Variants in NAB1 observed in about 807,000 individuals in gnomAD.
The protein encoded by NAB1 is NGFI-A-binding protein 1.
A neutral mutation model predicts 49.9 loss-of-function variants in NAB1; 25 were observed. The ratio of observed to expected loss-of-function variants is 0.50; its 90% CI spans 0.37 to 0.70. The LOEUF is 0.70. NAB1 is among the 30% of genes least tolerant of loss of function. NAB1 has a pLI of 0.00. For missense variants in NAB1, 489 were observed against 575.9 expected, an observed-to-expected ratio of 0.85 and a Z score of 1.54; for synonymous variants, 198 against 215.6, an observed-to-expected ratio of 0.92 and a Z score of 0.71.
Position 190,659,790 on chromosome 2 carries a change from G to A in NAB1, c.614G>A (p.Arg205Gln), listed in dbSNP as rs147170022. The stretch of plus-strand genomic sequence containing the variant: ...CTCTCTGTGGCTGAGTGTGTGGAGC[G>A]GATGGCCCCCACACTGCCAAAAAGT... ...AALSVAECVERMAPTLPKSDL... is the reference protein window; with the variant it reads ...AALSVAECVEQMAPTLPKSDL... The change falls in exon 4 of 10, where the codon CGG (arginine) becomes CAG (glutamine). Residue 205 changes from arginine (R) to glutamine (Q), a missense_variant. Around this residue, in one of 4 missense-constraint regions of NAB1, gnomAD observed 204 missense variants for 220.9 expected, o/e 0.92. Transcript: ENST00000337386. This position sits in a 1 kb window ranked among gnomAD's most constrained non-coding sequence, Gnocchi z 6.2. 2.6e-5 allele frequency: 42 copies of A among 1,613,992 alleles called. No homozygotes were observed. The highest frequency in any genetic ancestry group is 3.4e-5 in the Non-Finnish European group (40 of 1,179,990).
At chr2:190,658,446 G>A (rs988979271) in intron 3 of NAB1, among the ~76,000 whole-genome samples, 1 of 152,156 alleles carries the variant, frequency 6.6e-6, no homozygotes, top group African/African-American at 2.4e-5. Context: ...ACCACAGAGT[G>A]TCAATAAATG....
chr2:190,688,082 GA>G (rs1456788046), intron 9 of NAB1, among the ~76,000 whole-genome samples: 2 of 152,174 alleles, frequency 1.3e-5, no homozygotes, highest in Admixed American at 6.5e-5. Flanking sequence ...AAGCATTAGA[GA>G]CCAGCACAAT....
rs2125563272 is a variant in NAB1, at chr2:190,654,001, T to TG, written c.-196-1974dup. Among the ~76,000 whole-genome samples the TG allele has an allele frequency of 6.6e-6, 1 of 152,334 alleles. No individual in the cohort carries two copies. Among genetic ancestry groups the TG allele is most frequent in the African/African-American group, 2.4e-5 (1 of 41,578 alleles). On this transcript the variant is annotated intron_variant, in intron 2 of 9. Transcript: ENST00000337386. This position sits in a 1 kb window ranked among gnomAD's most constrained non-coding sequence, Gnocchi z 5.6. ...TTGGATTGGCAATTCATTGAGATAC[T>TG]GGTTTACACAGAAGGCCTCCCCTTT...
At chr2:190,671,727 C>T (rs1251405395) in intron 5 of NAB1, among the ~76,000 whole-genome samples, 1 of 150,930 alleles carries the variant, frequency 6.6e-6, no homozygotes, top group African/African-American at 2.4e-5. Flanking sequence ...ACTGCCTTCA[C>T]CGATTTTTAG....
rs1406769337 is a variant in NAB1, at chr2:190,656,127, C to G, written c.-46C>G. ...ATTGAAAAGTCAGACTCCGAGTGGT[C>G]GTTCCAGGATATCTTGAAAAGCCCA... On this transcript the variant is annotated 5_prime_UTR_variant, in exon 3 of 10. Transcript: ENST00000337386. 1 of 152,194 alleles carries G rather than the reference C, an allele frequency of 6.6e-6. No individual in the cohort carries two copies. The highest frequency in any genetic ancestry group is 1.5e-5 in the Non-Finnish European group (1 of 68,048). The allele number at this position is 152,194 out of a possible 1,614,324, so 9.4% of individuals were successfully genotyped here. A position where few individuals can be genotyped will look rare whatever the true frequency, so the allele number is the denominator to read the frequency against.
rs76323637 is a variant in NAB1, at chr2:190,674,615, C to T, written c.1005+1463C>T. Among the ~76,000 whole-genome samples, 638 of 152,222 alleles carry T rather than the reference C, an allele frequency of 4.2e-3. 11 individuals are homozygous for T. In the East Asian group the frequency reaches 0.046, roughly 11 times the overall value. ...ACTTAGAGTTTGTAACAGCCTTGCA[C>T]CTAATAGGCACTTAATAAAATCTAT... On this transcript the variant is annotated intron_variant, in intron 6 of 9. Coordinates refer to ENST00000337386, the MANE Select transcript of NAB1 (RefSeq NM_005966.4). The surrounding 1 kb of genome is among the most constrained non-coding windows in gnomAD (Gnocchi z 5.7).
In NAB1 at chr2:190,690,915, TTTTG is replaced by T. The variant is rs774623260; in HGVS notation, c.*586_*589del. The T allele has an allele frequency of 3.3e-5, 5 of 152,606 alleles. No homozygotes were observed. The highest frequency in any genetic ancestry group is 1.9e-4 in the East Asian group (1 of 5,192). 9.5% of individuals were successfully genotyped at this position (152,606 alleles called of 1,614,324 possible). ...TGGATTTAATATTTGATAAAACTGA[TTTTG>T]TTTAACAGGAAATTTTTAGCATTCA... On this transcript the variant is annotated 3_prime_UTR_variant, in exon 10 of 10. Coordinates refer to ENST00000337386, the MANE Select transcript of NAB1 (RefSeq NM_005966.4).
Position 190,652,766 on chromosome 2 carries a change from ATACATGGGAGTTAG to A in NAB1, c.-197+2788_-197+2801del, listed in dbSNP as rs567925020. Among the ~76,000 whole-genome samples, 307 of 152,358 alleles carry A rather than the reference ATACATGGGAGTTAG, an allele frequency of 2.0e-3. 1 individual carries two copies. The highest frequency in any genetic ancestry group is 4.2e-3 in the Admixed American group (65 of 15,302). On this transcript the variant is annotated intron_variant, in intron 2 of 9. Transcript: ENST00000337386. This position sits in a 1 kb window ranked among gnomAD's most constrained non-coding sequence, Gnocchi z 4.2. ...GTAAATCACTGGAAGCTTGAAACAC[ATACATGGGAGTTAG>A]TACCTAGGCCAACCCTACAATCTTA... is the stretch of plus-strand genomic sequence containing the variant.
chr2:190,665,981 CCATGAAGATTGAAA>C (rs1445672957), intron 4 of NAB1, among the ~76,000 whole-genome samples: 1 of 152,120 alleles, frequency 6.6e-6, no homozygotes, highest in Non-Finnish European at 1.5e-5. Flanking sequence ...CCCCATGAGG[CCATGAAGATTGAAA>C]CTCAAGCTCA....
Position 190,670,368 on chromosome 2 carries a change from A to G in NAB1, c.862A>G (p.Asn288Asp). ...GGCTGCTCAACTCTGTGTGAAGGAT[A>G]ATGCCCTGCTGACAAGAAGAGATGA... ...EAAAQLCVKD[N>D]ALLTRRDELF... Residue 288 changes from asparagine (N) to aspartate (D), a missense_variant, in exon 5 of 10, where the codon AAT (asparagine) becomes GAT (aspartate). Physicochemically the swap from Asn to Asp is conservative, Grantham distance 23. Transcript: ENST00000337386. This position sits in a 1 kb window ranked among gnomAD's most constrained non-coding sequence, Gnocchi z 5.3. 1 of 1,614,052 alleles carries G rather than the reference A, an allele frequency of 6.2e-7. No individual in the cohort carries two copies. The highest frequency in any genetic ancestry group is 8.5e-7 in the Non-Finnish European group (1 of 1,179,942).
Position 190,652,333 on chromosome 2 carries a change from CTG to C in NAB1, c.-197+2354_-197+2355del, listed in dbSNP as rs1248688854. Among the ~76,000 whole-genome samples, 1 of 152,186 alleles carries C rather than the reference CTG, an allele frequency of 6.6e-6. No individual in the cohort carries two copies. Among genetic ancestry groups the C allele is most frequent in the East Asian group, 1.9e-4 (1 of 5,200 alleles). On this transcript the variant is annotated intron_variant, in intron 2 of 9. Coordinates refer to ENST00000337386, the MANE Select transcript of NAB1 (RefSeq NM_005966.4). The surrounding 1 kb of genome is among the most constrained non-coding windows in gnomAD (Gnocchi z 4.2). ...AACTTATAAATATTGCCTGCATACT[CTG>C]TGCTCAGTGGGTACTTAATGTTTGT...
At position 190,651,374 on chromosome 2, in the gene NAB1, G is replaced by T. The variant is rs570051791; in HGVS notation, c.-197+1392G>T. Among the ~76,000 whole-genome samples the T allele has an allele frequency of 4.4e-4, 67 of 152,284 alleles. 1 individual carries two copies. In the South Asian group the frequency reaches 0.012, roughly 27 times the overall value. ...GTTAGAGAAACACTGAAAGCATTAG[G>T]TATTTTCATCACGGTATAGCTAAGA... On this transcript the variant is annotated intron_variant, in intron 2 of 9. Transcript: ENST00000337386. The surrounding 1 kb of genome is among the most constrained non-coding windows in gnomAD (Gnocchi z 4.3).
chr2:190,681,426 T>TAGATA (rs111680353), intron 6 of NAB1, among the ~76,000 whole-genome samples: 4 of 152,106 alleles, frequency 2.6e-5, no homozygotes, highest in Non-Finnish European at 4.4e-5. Flanking sequence ...TCAGTCTAAA[T>TAGATA]AGAAAACTTA....
At chr2:190,658,437 CCA>C (rs1323000187) in intron 3 of NAB1, among the ~76,000 whole-genome samples, 2 of 152,330 alleles carry the variant, frequency 1.3e-5, no homozygotes, top group African/African-American at 2.4e-5. Flanking sequence ...TTCCCTTAAA[CCA>C]CAGAGTGTCA....
At chr2:190,683,297 A>ATTTTTTTTTTT (rs767640681) in intron 6 of NAB1, among the ~76,000 whole-genome samples, 1 of 76,136 alleles carries the variant, frequency 1.3e-5, no homozygotes, top group African/African-American at 6.5e-5. Flanking sequence ...CTCCCAGCTA[A>ATTTTTTTTTTT]TTTTTTTTTT....
chr2:190,688,584 A>G (rs188832944), intron 9 of NAB1, among the ~76,000 whole-genome samples: 2 of 152,310 alleles, frequency 1.3e-5, no homozygotes, highest in East Asian at 1.9e-4. Context: ...CTTTTTACCA[A>G]TTTATATTCC....
intron 4 of NAB1, 94 bp downstream of exon 4, chr2:190,660,089 C>A: frequency 1.8e-6 from 2 of 1,099,152 alleles, no homozygotes; most frequent in Non-Finnish European, 2.6e-6. Context: ...AAATGTGATA[C>A]ACTACCTGAA....
rs1049035148 is a variant in NAB1 at position 190,654,753 on chromosome 2, A to G, written c.-196-1224A>G. Among the ~76,000 whole-genome samples, 18 of 152,186 alleles carry G rather than the reference A, an allele frequency of 1.2e-4. No individual in the cohort carries two copies. The highest frequency in any genetic ancestry group is 2.2e-4 in the Non-Finnish European group (15 of 68,034). On this transcript the variant is annotated intron_variant, in intron 2 of 9. Coordinates refer to ENST00000337386, the MANE Select transcript of NAB1 (RefSeq NM_005966.4). The surrounding 1 kb of genome is among the most constrained non-coding windows in gnomAD (Gnocchi z 5.6). ...TTTTTCAAAATTGGGGCAAGAAGCA[A>G]TGAACACTAGAATTTGGTGCTTTTG...
At chr2:190,671,244 T>C (rs1477666872) in intron 5 of NAB1, among the ~76,000 whole-genome samples, 1 of 152,170 alleles carries the variant, frequency 6.6e-6, no homozygotes, top group African/African-American at 2.4e-5. Context: ...ATCAATCACA[T>C]TCTTTGGGGA....
Sources: allele counts gnomAD v4.1 joint callset (sites outside exome capture counted in the v4.1 genomes callset), GRCh38; gene constraint gnomAD v4.1.1; regional missense constraint gnomAD v4.1.1; non-coding constraint Gnocchi (gnomAD v3.1); transcripts MANE v1.5; gene names NCBI Gene and HGNC (gene_info 2026-07-23, HGNC 2026-07-21).